Variants in TENM3 observed in about 807,000 individuals in gnomAD.
TENM3 encodes the protein teneurin-3.
Under a neutral mutation model 255.1 loss-of-function variants are expected in TENM3, and 63 were observed. The ratio of observed to expected loss-of-function variants is 0.25; its 90% confidence interval spans 0.20 to 0.30. TENM3 has a LOEUF of 0.30. TENM3 is among the 10% of genes least tolerant of loss of function. The pLI is 1.00. For missense variants in TENM3, 2,929 were observed against 3,461.1 expected (o/e 0.85, Z 3.86); for synonymous variants, 1,306 against 1,322.3 (o/e 0.99, Z 0.27).
the TENM3 span, among the ~76,000 whole-genome samples, chr4:181,882,437 T>C: frequency 6.0e-4 from 92 of 152,222 alleles, no homozygotes; most frequent in Non-Finnish European, 1.1e-3. Context: ...AAGGGAGAAC[T>C]GTTCTTAGCA....
At chr4:181,483,400 G>A in the TENM3 span, among the ~76,000 whole-genome samples, 807 of 152,186 alleles carry the variant, frequency 5.3e-3, 5 homozygotes, top group African/African-American at 0.018. Flanking sequence ...GAAAAAAATC[G>A]TAGTCATTCT....
chr4:181,849,668 A>T, the TENM3 span, among the ~76,000 whole-genome samples: 1 of 152,166 alleles, frequency 6.6e-6, no homozygotes, highest in African/African-American at 2.4e-5. Context: ...CTTCAAGTTG[A>T]TGTATGTTGA....
the TENM3 span, among the ~76,000 whole-genome samples, chr4:181,985,354 G>C: frequency 6.6e-6 from 1 of 151,550 alleles, no homozygotes; most frequent in Admixed American, 6.6e-5. Context: ...GAAATCTCAG[G>C]ACACATATTT....
chr4:181,625,821 A>T, the TENM3 span, among the ~76,000 whole-genome samples: 3 of 140,444 alleles, frequency 2.1e-5, no homozygotes, highest in African/African-American at 7.8e-5. Flanking sequence ...CTCAAAAAAA[A>T]ATAATAATAA....
the TENM3 span, among the ~76,000 whole-genome samples, chr4:181,692,081 G>C: frequency 2.6e-5 from 4 of 152,102 alleles, no homozygotes; most frequent in Non-Finnish European, 5.9e-5. Context: ...TGATTAGTTG[G>C]CACATGGATG....
At chr4:182,268,540 C>CTGGG (rs1438839576) in intron 1 of TENM3, among the ~76,000 whole-genome samples, 11 of 152,186 alleles carry the variant, frequency 7.2e-5, no homozygotes, top group African/African-American at 2.7e-4. Context: ...GTCTAACCTA[C>CTGGG]TGGGCTGCAT....
intron 3 of TENM3, among the ~76,000 whole-genome samples, chr4:182,570,052 A>G (rs758491181): frequency 5.3e-5 from 8 of 152,192 alleles, no homozygotes; most frequent in African/African-American, 7.2e-5. Flanking sequence ...GCTCAAGAAC[A>G]TATTTCTTTT....
intron 27 of TENM3, among the ~76,000 whole-genome samples, chr4:182,797,371 G>A (rs965192160): frequency 2.6e-5 from 4 of 151,794 alleles, no homozygotes; most frequent in Admixed American, 6.6e-5. Context: ...CCTGGGAGGC[G>A]GAGGTTGCAG....
the TENM3 span, among the ~76,000 whole-genome samples, chr4:181,799,867 G>A: frequency 2.0e-5 from 3 of 152,288 alleles, no homozygotes; most frequent in East Asian, 1.9e-4. Flanking sequence ...TGAACAAGTC[G>A]GAAGCAGCCT....
intron 6 of TENM3, among the ~76,000 whole-genome samples, chr4:182,658,887 C>T (rs957314778): frequency 6.6e-6 from 1 of 152,196 alleles, no homozygotes; most frequent in Non-Finnish European, 1.5e-5. Flanking sequence ...CATGGCCTTC[C>T]ATGTGGCTTG....
chr4:182,725,916 G>T (rs754164449), intron 13 of TENM3, among the ~76,000 whole-genome samples: 1 of 152,144 alleles, frequency 6.6e-6, no homozygotes, highest in Non-Finnish European at 1.5e-5. Context: ...GGGATTACAG[G>T]TGTGAGCTAC....
At chr4:182,790,102 T>C (rs1358564229) in intron 25 of TENM3, among the ~76,000 whole-genome samples, 2 of 152,124 alleles carry the variant, frequency 1.3e-5, no homozygotes, top group Non-Finnish European at 2.9e-5. Context: ...GAAAGAACAA[T>C]CTCCATGTAA....
chr4:181,850,848 A>G, the TENM3 span, among the ~76,000 whole-genome samples: 9 of 152,130 alleles, frequency 5.9e-5, no homozygotes, highest in Admixed American at 5.9e-4. Context: ...CTCTTAAAAT[A>G]GTTAAGTATA....
the TENM3 span, among the ~76,000 whole-genome samples, chr4:182,054,679 A>C: frequency 9.2e-5 from 14 of 152,184 alleles, no homozygotes; most frequent in Non-Finnish European, 2.9e-5. Context: ...ATGAAGGATA[A>C]GTGCTTGAGT....
At chr4:182,497,847 C>CATATATATATATATATATATAT (rs56170155) in intron 3 of TENM3, among the ~76,000 whole-genome samples, 4 of 135,650 alleles carry the variant, frequency 2.9e-5, no homozygotes, top group Admixed American at 1.4e-4. Flanking sequence ...ACTAAAAATA[C>CATATATATATATATATATATAT]ATATATATAT....
the TENM3 span, among the ~76,000 whole-genome samples, chr4:181,853,392 T>G: frequency 1.3e-5 from 2 of 152,250 alleles, no homozygotes; most frequent in Non-Finnish European, 2.9e-5. Flanking sequence ...AAAACTATAT[T>G]GGGTTACATG....
At chr4:181,576,818 T>C in the TENM3 span, among the ~76,000 whole-genome samples, 1 of 141,938 alleles carries the variant, frequency 7.0e-6, no homozygotes, top group Non-Finnish European at 1.5e-5. Context: ...TTTCTTTTTT[T>C]TTTTTTTTTT....
At chr4:181,757,295 A>G in the TENM3 span, among the ~76,000 whole-genome samples, 1 of 152,196 alleles carries the variant, frequency 6.6e-6, no homozygotes, top group Non-Finnish European at 1.5e-5. Context: ...AGTCTCTGTC[A>G]TCTCATGGGA....
the TENM3 span, among the ~76,000 whole-genome samples, chr4:181,468,495 C>T: frequency 6.6e-6 from 1 of 152,144 alleles, no homozygotes; most frequent in Non-Finnish European, 1.5e-5. Flanking sequence ...GATAGGAATT[C>T]CAGTCAATTG....
Sources: gnomAD v4.1 joint callset for allele counts (sites outside exome capture counted in the v4.1 genomes callset) on GRCh38, gnomAD v4.1.1 for gene constraint, MANE v1.5 for transcripts, NCBI Gene and HGNC (gene_info 2026-07-23, HGNC 2026-07-21) for gene names.